ELP6: variants seen among roughly 807,000 people sequenced by gnomAD.
The protein encoded by ELP6 is elongator acetyltransferase complex subunit 6.
Under a neutral mutation model 28.1 loss-of-function variants are expected in ELP6, and 23 were observed. The ratio of observed to expected loss-of-function variants is 0.82; its 90% CI spans 0.59 to 1.16. The LOEUF is 1.16. Among genes scored for constraint, ELP6 ranks in the 50% most tolerant of loss-of-function variants. The pLI, the probability that ELP6 is intolerant of heterozygous loss-of-function variation, is 0.00. For synonymous variants in ELP6, 132 were observed against 135.8 expected, an observed-to-expected ratio of 0.97 and a Z score of 0.19; for missense variants, 313 against 334.6, an observed-to-expected ratio of 0.94 and a Z score of 0.50.
At chr3:47,509,285 C>T (rs1235505867) in intron 3 of ELP6, among the ~76,000 whole-genome samples, 1 of 152,154 alleles carries the variant, frequency 6.6e-6, no homozygotes, top group Non-Finnish European at 1.5e-5. Flanking sequence ...TTAAAGATCA[C>T]TGCTGAAGAG....
intron 5 of ELP6, among the ~76,000 whole-genome samples, chr3:47,498,900 G>C (rs929438666): frequency 4.6e-5 from 7 of 152,182 alleles, no homozygotes; most frequent in African/African-American, 1.7e-4. Flanking sequence ...AGGTGTATGG[G>C]AGCACAACGA....
At chr3:47,497,313 C>T (rs528247638) in intron 6 of ELP6, 53 of 985,252 alleles carry the variant, frequency 5.4e-5, no homozygotes, top group Middle Eastern at 5.2e-4. Context: ...CCCTGGTCCA[C>T]GGGTACGGCC....
At chr3:47,508,809 G>A (rs1708925214) in intron 3 of ELP6, among the ~76,000 whole-genome samples, 1 of 143,238 alleles carries the variant, frequency 7.0e-6, no homozygotes, top group African/African-American at 2.6e-5. Flanking sequence ...CTGTCTCCCA[G>A]GCTGGAGTGC....
At chr3:47,499,518 CAA>C (rs36125510) in intron 5 of ELP6, among the ~76,000 whole-genome samples, 4 of 16,986 alleles carry the variant, frequency 2.4e-4, no homozygotes, top group South Asian at 6.9e-3. Context: ...GAGTCCATCT[CAA>C]AAAAAAAAAA....
intron 6 of ELP6, chr3:47,497,133 G>A (rs1708500143): frequency 2.0e-6 from 2 of 983,280 alleles, no homozygotes; most frequent in South Asian, 4.7e-5. Flanking sequence ...TAACCAGGAA[G>A]CTGTGGTGGA....
In ELP6 at chr3:47,513,670, C is replaced by A; in HGVS notation, c.-80G>T. On this transcript the variant is annotated 5_prime_UTR_variant, in exon 1 of 7. Coordinates refer to ENST00000296149, the MANE Select transcript of ELP6 (RefSeq NM_001031703.3). ...ACGGAGGCTGGAGAGCAAAACACACCCGACAGCCCGGCTCGCGCAAGGAAG... is the reference window on the plus strand; with the variant it reads ...ACGGAGGCTGGAGAGCAAAACACACACGACAGCCCGGCTCGCGCAAGGAAG... 1.3e-6 allele frequency: 2 copies of A among 1,564,518 alleles called. No individual in the cohort carries two copies. The highest frequency in any genetic ancestry group is 2.3e-5 in the East Asian group (1 of 43,016).
chr3:47,497,268 A>G (rs1559585073), intron 6 of ELP6: 14 of 985,082 alleles, frequency 1.4e-5, no homozygotes, highest in Non-Finnish European at 1.6e-5. Flanking sequence ...AAGTACTCCA[A>G]TTGTTCTGGT....
intron 5 of ELP6, among the ~76,000 whole-genome samples, chr3:47,499,039 C>T (rs1708561309): frequency 1.3e-5 from 2 of 152,206 alleles, no homozygotes; most frequent in Admixed American, 1.3e-4. Context: ...AAAGTGACAG[C>T]TTGAATAATG....
chr3:47,511,357 G>T (rs1160159202), intron 1 of ELP6, 131 bp from the exon 2 acceptor site: 1 of 1,423,954 alleles, frequency 7.0e-7, no homozygotes. Flanking sequence ...TGACATACAT[G>T]CTAAGGTACC....
chr3:47,496,520 G>C, intron 6 of ELP6: 25 of 926,816 alleles, frequency 2.7e-5, no homozygotes, highest in Non-Finnish European at 3.1e-5. Context: ...TTTTGAAGCA[G>C]AGTCTCACTC....
rs781335500 is a variant in ELP6, at chr3:47,501,775, C to T, written c.400G>A (p.Ala134Thr). 2.5e-6 allele frequency: 4 copies of T among 1,604,904 alleles called. No homozygotes were observed. In the East Asian group the frequency reaches 6.8e-5, roughly 27 times the overall value. ...AACAGCACCGGGTACGTCCACCGAG[C>T]CTCTCCACTGTCTACTGGCTTCAGG... ...EALKPVDSGE[A>T]RWTYPVLLVD... Residue 134 changes from alanine to threonine, a missense_variant, in exon 5 of 7, where the codon GCT becomes ACT. By Grantham distance (58) the Ala-to-Thr change is moderately conservative. Coordinates refer to ENST00000296149, the MANE Select transcript of ELP6 (RefSeq NM_001031703.3).
In ELP6 at chr3:47,499,943, C is replaced by T. The variant is rs1467010783; in HGVS notation, c.526-1511G>A. The stretch of plus-strand genomic sequence containing the variant: ...CCTCAACCGTCGTGCCTGCAGCTTC[C>T]GAGTCCTGGTGGTGTCGGCCAAGTT... On this transcript the variant is annotated intron_variant, in intron 5 of 6. Coordinates refer to ENST00000296149, the MANE Select transcript of ELP6 (RefSeq NM_001031703.3). 1.7e-5 allele frequency: 23 copies of T among 1,351,528 alleles called. No individual in the cohort carries two copies. The Admixed American group carries it at 4.2e-4, about 24-fold the overall frequency. The allele number at this position is 1,351,528 out of a possible 1,614,324, so 83.7% of individuals were successfully genotyped here.
chr3:47,498,536 C>T, intron 5 of ELP6, 104 bp from the exon 6 acceptor site: 2 of 1,542,540 alleles, frequency 1.3e-6, no homozygotes, highest in Non-Finnish European at 1.7e-6. Context: ...CATCCTCTCA[C>T]AGATCACCCT....
At chr3:47,506,194 A>C (rs775026094) in intron 3 of ELP6, among the ~76,000 whole-genome samples, 1 of 152,206 alleles carries the variant, frequency 6.6e-6, no homozygotes, top group African/African-American at 2.4e-5. Context: ...TGGGTCACAG[A>C]GATCACGTAT....
At chr3:47,512,720 G>A (rs1243429838) in intron 1 of ELP6, 1 of 979,686 alleles carries the variant, frequency 1.0e-6, no homozygotes, top group African/African-American at 1.8e-5. Flanking sequence ...GCTCTGTCCT[G>A]CTTCTAACAG....
At chr3:47,500,077 G>A (rs1708602637) in intron 5 of ELP6, 1 of 1,234,166 alleles carries the variant, frequency 8.1e-7, no homozygotes, top group Middle Eastern at 3.2e-4. Context: ...AGAGCAGTGG[G>A]CTTGTGAACG....
chr3:47,502,343 G>C (rs1708689144), intron 4 of ELP6: 4 of 892,116 alleles, frequency 4.5e-6, no homozygotes, highest in Non-Finnish European at 5.4e-6. Flanking sequence ...CTGGGAGACG[G>C]AAGTTGCAGT....
rs541335710 is a variant in ELP6 at position 47,501,554 on chromosome 3, A to G, written c.525+96T>C. 2.0e-5 allele frequency: 26 copies of G among 1,322,934 alleles called. No individual in the cohort carries two copies. The Admixed American group carries it at 2.5e-4, about 13-fold the overall frequency. 81.9% of individuals were successfully genotyped at this position (1,322,934 alleles called of 1,614,324 possible). A position where few individuals can be genotyped will look rare whatever the true frequency, so the allele number is the denominator to read the frequency against. On this transcript the variant is annotated intron_variant, in intron 5 of 6. Transcript: ENST00000296149. ...CTGCCAGAGTAAAGCCAAAACCCCA[A>G]GCAAATAAAAAGATCACAGCAAGCA...
Position 47,501,785 on chromosome 3 carries a change from G to C in ELP6, c.390C>G (p.Asp130Glu). ...EFVREALKPV[D>E]SGEARWTYPV... ...GGTACGTCCACCGAGCCTCTCCACT[G>C]TCTACTGGCTTCAGGGCCTCCCGTA... The change falls in exon 5 of 7, where the codon GAC becomes GAG. Residue 130 changes from aspartate (D) to glutamate (E), a missense_variant. Transcript: ENST00000296149. 6.2e-7 allele frequency: 1 copy of C among 1,614,022 alleles called. No individual in the cohort carries two copies. The highest frequency in any genetic ancestry group is 1.1e-5 in the South Asian group (1 of 91,046).
Sources: gnomAD v4.1 joint callset for allele counts (sites outside exome capture counted in the v4.1 genomes callset) on GRCh38, gnomAD v4.1.1 for gene constraint, MANE v1.5 for transcripts, NCBI Gene and HGNC (gene_info 2026-07-23, HGNC 2026-07-21) for gene names.